Variants in FBXW10B observed in about 807,000 individuals in gnomAD.
FBXW10B encodes F-box and WD repeat domain containing 10B.
the FBXW10B span, among the ~76,000 whole-genome samples, chr17:15,586,130 A>G: frequency 1.3e-5 from 2 of 151,686 alleles, no homozygotes; most frequent in Non-Finnish European, 2.9e-5. Flanking sequence ...TGAGACGTCT[A>G]TGGTATTGGT....
the FBXW10B span, among the ~76,000 whole-genome samples, chr17:15,597,306 G>A: frequency 1.3e-5 from 2 of 148,294 alleles, no homozygotes; most frequent in Non-Finnish European, 1.5e-5. Context: ...ATGAGAGTGG[G>A]TGGGTGGCAG....
the FBXW10B span, among the ~76,000 whole-genome samples, chr17:15,605,845 C>T: frequency 1.4e-5 from 2 of 141,318 alleles, no homozygotes; most frequent in Non-Finnish European, 3.0e-5. Flanking sequence ...TATCCAGTGA[C>T]CATATATTAG....
the FBXW10B span, among the ~76,000 whole-genome samples, chr17:15,600,286 G>C: frequency 1.5e-4 from 22 of 148,938 alleles, no homozygotes; most frequent in African/African-American, 5.4e-4. Flanking sequence ...CGATTAATAT[G>C]TCTTTGTAGT....
the FBXW10B span, among the ~76,000 whole-genome samples, chr17:15,601,878 C>T: frequency 6.6e-6 from 1 of 152,022 alleles, no homozygotes; most frequent in Non-Finnish European, 1.5e-5. Context: ...TTTGGGAGGC[C>T]GAGGCGGGCA....
chr17:15,570,309 G>A, the FBXW10B span, among the ~76,000 whole-genome samples: 1 of 152,234 alleles, frequency 6.6e-6, no homozygotes, highest in Admixed American at 6.5e-5. Context: ...ACACGCTGTA[G>A]ACCTTGACAG....
At chr17:15,613,866 A>C in the FBXW10B span, 1 of 1,607,198 alleles carries the variant, frequency 6.2e-7, no homozygotes, top group Non-Finnish European at 8.5e-7. Flanking sequence ...ATGGGCAGGT[A>C]ACGGATGAAG....
At chr17:15,613,963 T>C in the FBXW10B span, 1 of 1,545,070 alleles carries the variant, frequency 6.5e-7, no homozygotes, top group South Asian at 1.2e-5. Flanking sequence ...CTGGCTTGGT[T>C]ATGTCTGCTT....
At chr17:15,609,771 T>C in the FBXW10B span, among the ~76,000 whole-genome samples, 12 of 152,102 alleles carry the variant, frequency 7.9e-5, no homozygotes, top group East Asian at 2.3e-3. Context: ...TGTAACTGCT[T>C]AGTCTTGCTA....
the FBXW10B span, among the ~76,000 whole-genome samples, chr17:15,582,080 G>A: frequency 3.0e-4 from 45 of 151,698 alleles, 1 homozygote; most frequent in Admixed American, 2.8e-3. Context: ...AAACTCAGGT[G>A]TGTATGTGTG....
At chr17:15,582,088 G>C in the FBXW10B span, among the ~76,000 whole-genome samples, 1 of 151,456 alleles carries the variant, frequency 6.6e-6, no homozygotes, top group African/African-American at 2.4e-5. Context: ...GTGTGTATGT[G>C]TGTGTGCCTG....
the FBXW10B span, among the ~76,000 whole-genome samples, chr17:15,606,639 A>ATG: frequency 1.4e-5 from 2 of 144,786 alleles, no homozygotes; most frequent in Non-Finnish European, 1.5e-5. Context: ...ATATATGTAT[A>ATG]TGTGTATATA....
At chr17:15,583,847 G>T in the FBXW10B span, among the ~76,000 whole-genome samples, 5 of 151,530 alleles carry the variant, frequency 3.3e-5, no homozygotes, top group African/African-American at 1.2e-4. Context: ...CAGTAAACTT[G>T]TCTTATTTTA....
At chr17:15,566,661 C>A in the FBXW10B span, among the ~76,000 whole-genome samples, 1 of 151,850 alleles carries the variant, frequency 6.6e-6, no homozygotes, top group African/African-American at 2.4e-5. Context: ...TCCGGGTTCA[C>A]GCCGTTTTCC....
At chr17:15,583,318 A>G in the FBXW10B span, among the ~76,000 whole-genome samples, 2 of 130,694 alleles carry the variant, frequency 1.5e-5, no homozygotes, top group African/African-American at 5.3e-5. Flanking sequence ...CCACCCATCC[A>G]TCGGGTCTCA....
At chr17:15,580,314 A>G in the FBXW10B span, among the ~76,000 whole-genome samples, 1 of 152,140 alleles carries the variant, frequency 6.6e-6, no homozygotes. Context: ...ACTCTATTTC[A>G]GATTGTTCTT....
At chr17:15,619,556 C>A in the FBXW10B span, 1 of 1,589,406 alleles carries the variant, frequency 6.3e-7, no homozygotes, top group Non-Finnish European at 8.6e-7. Context: ...GCACTTGCAA[C>A]GGCAACGCCA....
chr17:15,598,493 G>A, the FBXW10B span: 1 of 1,613,314 alleles, frequency 6.2e-7, no homozygotes. Context: ...TGTGGGTCGG[G>A]GGAAACTTCT....
the FBXW10B span, chr17:15,571,818 C>G: frequency 1.4e-4 from 21 of 152,222 alleles, no homozygotes; most frequent in African/African-American, 4.1e-4. Context: ...CTGGTACGTG[C>G]AGTGACACGG....
the FBXW10B span, chr17:15,571,977 G>GC: frequency 6.6e-6 from 1 of 151,734 alleles, no homozygotes; most frequent in Non-Finnish European, 1.5e-5. Flanking sequence ...TGGGGGGAGG[G>GC]GTGCGGGGGA....
Sources: gnomAD v4.1 joint callset for allele counts (sites outside exome capture counted in the v4.1 genomes callset) on GRCh38, gnomAD v4.1.1 for gene constraint, MANE v1.5 for transcripts, NCBI Gene and HGNC (gene_info 2026-07-23, HGNC 2026-07-21) for gene names.